The following RNF2 variants were observed in gnomAD, a reference collection of about 807,000 sequenced individuals.
RNF2 encodes E3 ubiquitin-protein ligase RING2.
A neutral mutation model predicts 37.2 loss-of-function variants in RNF2; 6 were observed. The ratio of observed to expected loss-of-function variants is 0.16; its 90% CI spans 0.09 to 0.32. The LOEUF (loss-of-function observed/expected upper bound fraction) is 0.32. RNF2 is among the 10% of genes least tolerant of loss of function. RNF2 has a pLI of 1.00. For synonymous variants in RNF2, 133 were observed against 132.7 expected, an observed-to-expected ratio of 1.00 and a Z score of -0.02; for missense variants, 251 against 404.0, an observed-to-expected ratio of 0.62 and a Z score of 3.25.
At chr1:185,074,019 A>C (rs898269349) in intron 1 of RNF2, among the ~76,000 whole-genome samples, 1 of 152,216 alleles carries the variant, frequency 6.6e-6, no homozygotes, top group Non-Finnish European at 1.5e-5. Flanking sequence ...GGATTTCCGC[A>C]ATCCCCTTGT....
intron 1 of RNF2, among the ~76,000 whole-genome samples, chr1:185,061,491 A>G (rs867850722): frequency 1.4e-4 from 21 of 152,166 alleles, no homozygotes; most frequent in African/African-American, 4.8e-4. Flanking sequence ...ACCAAGGCCA[A>G]CAGTATAGAG....
chr1:185,094,962 G>A (rs912329573), intron 4 of RNF2, among the ~76,000 whole-genome samples: 4 of 152,092 alleles, frequency 2.6e-5, no homozygotes, highest in South Asian at 2.1e-4. Flanking sequence ...GCATCATCCC[G>A]GTCCCAGTAA....
chr1:185,102,358 A>G lies in RNF2; in HGVS notation c.*2057A>G, dbSNP rs1652101183. 5 of 152,186 alleles carry G rather than the reference A, an allele frequency of 3.3e-5. No homozygotes were observed. The South Asian group carries it at 8.3e-4, about 25-fold the overall frequency. The allele number at this position is 152,186 out of a possible 1,614,324, so 9.4% of individuals were successfully genotyped here. On this transcript the variant is annotated 3_prime_UTR_variant, in exon 7 of 7. Coordinates refer to ENST00000367510, the MANE Select transcript of RNF2 (RefSeq NM_007212.4). ...AGTAATTTCTTTTATCACTATCTCA[A>G]CTGAGGAAGAAAAGGCTCACCACAA...
At chr1:185,066,735 A>G (rs1453627180) in intron 1 of RNF2, among the ~76,000 whole-genome samples, 1 of 152,220 alleles carries the variant, frequency 6.6e-6, no homozygotes, top group Non-Finnish European at 1.5e-5. Context: ...TGCTGTTATA[A>G]TTAGTGTTGA....
At chr1:185,070,794 T>A (rs374652984) in intron 1 of RNF2, among the ~76,000 whole-genome samples, 1 of 151,928 alleles carries the variant, frequency 6.6e-6, no homozygotes, top group Admixed American at 6.6e-5. Context: ...GCCCGCCACC[T>A]CGCCGGCTCA....
chr1:185,064,038 A>C (rs1380390749), intron 1 of RNF2, among the ~76,000 whole-genome samples: 1 of 152,174 alleles, frequency 6.6e-6, no homozygotes, highest in East Asian at 1.9e-4. Context: ...AACATGCACA[A>C]ATTCTGGGGA....
chr1:185,055,970 G>T (rs192038745), intron 1 of RNF2, among the ~76,000 whole-genome samples: 96 of 152,092 alleles, frequency 6.3e-4, no homozygotes, highest in African/African-American at 2.2e-3. Flanking sequence ...TCAAATAATT[G>T]TAAAGTAATG....
intron 1 of RNF2, among the ~76,000 whole-genome samples, chr1:185,072,891 G>A (rs566147852): frequency 6.6e-6 from 1 of 152,142 alleles, no homozygotes; most frequent in Non-Finnish European, 1.5e-5. Flanking sequence ...AGTGAGCCGA[G>A]ATTGTGCCAC....
chr1:185,058,419 G>A (rs1030241278), intron 1 of RNF2, among the ~76,000 whole-genome samples: 1 of 152,162 alleles, frequency 6.6e-6, no homozygotes, highest in African/African-American at 2.4e-5. Context: ...TCCCAGAGGT[G>A]AGAGTTCCTT....
chr1:185,087,691 T>C, intron 2 of RNF2, 51 bp downstream of exon 2: 4 of 1,331,536 alleles, frequency 3.0e-6, no homozygotes, highest in Non-Finnish European at 4.3e-6. Flanking sequence ...TAAACTGGGA[T>C]ACATTTTTAG....
At position 185,101,295 on chromosome 1, in the gene RNF2, AATT is replaced by A. The variant is rs774487552; in HGVS notation, c.*997_*999del. ...GGAAAAAAGTTTGTTTCCATTGGAA[AATT>A]ATATCATTTTGGGTTGCCACATCAG... is the stretch of plus-strand genomic sequence containing the variant. On this transcript the variant is annotated 3_prime_UTR_variant, in exon 7 of 7. Transcript: ENST00000367510. 3.9e-5 allele frequency: 6 copies of A among 152,576 alleles called. No individual in the cohort carries two copies. The highest frequency in any genetic ancestry group is 2.0e-4 in the Admixed American group (3 of 15,276). 9.5% of individuals were successfully genotyped at this position (152,576 alleles called of 1,614,324 possible).
intron 1 of RNF2, among the ~76,000 whole-genome samples, chr1:185,059,725 T>G (rs1650545665): frequency 6.6e-6 from 1 of 152,168 alleles, no homozygotes; most frequent in Non-Finnish European, 1.5e-5. Flanking sequence ...ATGAGACCAT[T>G]AAGCACGTTA....
At chr1:185,100,064 G>GT (rs1652033781) in intron 6 of RNF2, 102 bp downstream of exon 6, 2 of 1,276,540 alleles carry the variant, frequency 1.6e-6, no homozygotes, top group South Asian at 1.4e-5. Context: ...GTAAAAAACC[G>GT]TAACAGTGTT....
At chr1:185,073,513 G>T (rs1027060890) in intron 1 of RNF2, among the ~76,000 whole-genome samples, 2 of 151,986 alleles carry the variant, frequency 1.3e-5, no homozygotes, top group African/African-American at 4.8e-5. Context: ...CTCTTTCATT[G>T]GCATCTATTT....
chr1:185,098,012 A>G (rs550795701), intron 4 of RNF2, 60 bp from the exon 5 acceptor site: 1 of 1,565,752 alleles, frequency 6.4e-7, no homozygotes, highest in Non-Finnish European at 8.7e-7. Flanking sequence ...CATGCTTCAG[A>G]TTTGTTGCTT....
chr1:185,096,383 A>G (rs1651910906), intron 4 of RNF2, among the ~76,000 whole-genome samples: 1 of 152,168 alleles, frequency 6.6e-6, no homozygotes, highest in African/African-American at 2.4e-5. Context: ...AATGTTGTGC[A>G]GCCAATCTAC....
At chr1:185,073,520 A>G (rs1320005319) in intron 1 of RNF2, among the ~76,000 whole-genome samples, 1 of 152,132 alleles carries the variant, frequency 6.6e-6, no homozygotes, top group Admixed American at 6.5e-5. Context: ...ATTGGCATCT[A>G]TTTTTCAGAT....
rs202081769 is a variant in RNF2, at chr1:185,099,874, G to A, written c.821G>A (p.Ser274Asn). Residue 274 changes from serine (S) to asparagine (N), a missense_variant, in exon 6 of 7, where the codon AGC (serine) becomes AAC (asparagine). Around this residue, in one of 7 missense-constraint regions of RNF2, gnomAD observed 16 missense variants for 47.7 expected, o/e 0.34. Coordinates refer to ENST00000367510, the MANE Select transcript of RNF2 (RefSeq NM_007212.4). ...AVRLALEELRSKGESNQMNLD... is the reference protein window; with the variant it reads ...AVRLALEELRNKGESNQMNLD... Reference sequence around the variant, plus strand: ...AGGTTAGCTTTAGAAGAACTTCGAAGCAAAGGTGAATCAAACCAGATGAAC... The same window carrying A: ...AGGTTAGCTTTAGAAGAACTTCGAAACAAAGGTGAATCAAACCAGATGAAC... 39 of 1,614,090 alleles carry A rather than the reference G, an allele frequency of 2.4e-5. No homozygotes were observed. The East Asian group carries it at 3.3e-4, about 14-fold the overall frequency.
chr1:185,056,705 T>C (rs1373131317), intron 1 of RNF2, among the ~76,000 whole-genome samples: 1 of 152,118 alleles, frequency 6.6e-6, no homozygotes, highest in Non-Finnish European at 1.5e-5. Context: ...GTTTTTATTT[T>C]TAATCCCTGT....
Sources: allele counts gnomAD v4.1 joint callset (sites outside exome capture counted in the v4.1 genomes callset), GRCh38; gene constraint gnomAD v4.1.1; regional missense constraint gnomAD v4.1.1; transcripts MANE v1.5; gene names NCBI Gene and HGNC (gene_info 2026-07-23, HGNC 2026-07-21).